Variants in LRIG1 observed in about 807,000 individuals in gnomAD.
The protein encoded by LRIG1 is leucine rich repeats and immunoglobulin like domains 1, also known as leucine-rich repeats and immunoglobulin-like domains protein 1.
A neutral mutation model predicts 99.2 loss-of-function variants in LRIG1; 48 were observed. The observed-to-expected ratio is 0.48, with a 90% CI of 0.38 to 0.62. The LOEUF is 0.62. Ranked by LOEUF, LRIG1 falls within the 20% of genes least tolerant of loss-of-function variation. LRIG1 has a pLI of 0.00. For synonymous variants in LRIG1, 772 were observed against 596.1 expected, an observed-to-expected ratio of 1.29 and a Z score of -4.30; for missense variants, 1,646 against 1,434.4, an observed-to-expected ratio of 1.15 and a Z score of -2.38.
intron 2 of LRIG1, among the ~76,000 whole-genome samples, chr3:66,459,409 C>A (rs1489176608): frequency 6.6e-6 from 1 of 152,224 alleles, no homozygotes; most frequent in Non-Finnish European, 1.5e-5. Context: ...AAGGACCTGG[C>A]CTCTGGCCAC....
In LRIG1 at chr3:66,447,029, A is replaced by T. The variant is rs115138700; in HGVS notation, c.365+4530T>A. Reference sequence around the variant, plus strand: ...TGCACAACACTGAGAACGTACTACAAGTGGCTTTTAAATGGTGAGTTAATG... The same window carrying T: ...TGCACAACACTGAGAACGTACTACATGTGGCTTTTAAATGGTGAGTTAATG... On this transcript the variant is annotated intron_variant, in intron 3 of 18. Transcript: ENST00000273261. Among the ~76,000 whole-genome samples the T allele has an allele frequency of 6.3e-3, 961 of 152,204 alleles. 10 individuals are homozygous for T. Among genetic ancestry groups the T allele is most frequent in the African/African-American group, 0.021 (884 of 41,500 alleles).
intron 4 of LRIG1, among the ~76,000 whole-genome samples, chr3:66,416,610 T>G (rs1702620491): frequency 6.6e-6 from 1 of 152,118 alleles, no homozygotes; most frequent in Admixed American, 6.5e-5. Flanking sequence ...CAGACAAATC[T>G]AAAAGGTGCT....
chr3:66,425,423 G>C (rs1448617249), intron 3 of LRIG1, among the ~76,000 whole-genome samples: 1 of 152,224 alleles, frequency 6.6e-6, no homozygotes, highest in Non-Finnish European at 1.5e-5. Context: ...AAATAAGGCA[G>C]ATAAAGCTCA....
At chr3:66,393,707 C>T (rs1459100936) in intron 12 of LRIG1, among the ~76,000 whole-genome samples, 4 of 152,234 alleles carry the variant, frequency 2.6e-5, no homozygotes, top group South Asian at 2.1e-4. Flanking sequence ...ACGCCAGCCT[C>T]GTACGCGGAG....
chr3:66,430,357 C>T (rs750440502), intron 3 of LRIG1, among the ~76,000 whole-genome samples: 6 of 152,188 alleles, frequency 3.9e-5, no homozygotes, highest in African/African-American at 9.7e-5. Context: ...TCAAATAGCA[C>T]GGGGTGGGGG....
chr3:66,482,360 T>C (rs1196764543), intron 1 of LRIG1, among the ~76,000 whole-genome samples: 1 of 152,214 alleles, frequency 6.6e-6, no homozygotes, highest in Non-Finnish European at 1.5e-5. Flanking sequence ...GGACAGCAGA[T>C]GATGTACTGG....
intron 12 of LRIG1, among the ~76,000 whole-genome samples, chr3:66,390,684 G>A (rs1701583719): frequency 6.6e-6 from 1 of 152,076 alleles, no homozygotes; most frequent in East Asian, 1.9e-4. Flanking sequence ...AAATCAAAGG[G>A]CTTTGTAACA....
At chr3:66,496,700 G>C (rs2106939882) in intron 1 of LRIG1, among the ~76,000 whole-genome samples, 1 of 152,092 alleles carries the variant, frequency 6.6e-6, no homozygotes, top group South Asian at 2.1e-4. Context: ...ATATGGAGAA[G>C]GAAATATTTC....
At chr3:66,405,347 C>T (rs1053546073) in intron 8 of LRIG1, 69 bp from the exon 9 acceptor site, 27 of 1,283,220 alleles carry the variant, frequency 2.1e-5, no homozygotes, top group Non-Finnish European at 2.8e-5. Flanking sequence ...TCTCACCCAG[C>T]CTGCTGCTCG....
intron 8 of LRIG1, 38 bp downstream of exon 8, chr3:66,407,310 T>C: frequency 6.2e-7 from 1 of 1,613,040 alleles, no homozygotes; most frequent in Non-Finnish European, 8.5e-7. Context: ...CTCTCCCCAC[T>C]GGGGACCCCT....
chr3:66,457,847 T>C (rs1700265683), intron 2 of LRIG1, among the ~76,000 whole-genome samples: 1 of 152,222 alleles, frequency 6.6e-6, no homozygotes, highest in Non-Finnish European at 1.5e-5. Context: ...TTGCCATAGA[T>C]GGTGTGGACC....
At chr3:66,470,209 T>G (rs550952522) in intron 1 of LRIG1, among the ~76,000 whole-genome samples, 1 of 152,160 alleles carries the variant, frequency 6.6e-6, no homozygotes, top group African/African-American at 2.4e-5. Context: ...CCACTCCTTA[T>G]TGTCTCACCC....
chr3:66,400,329 T>C (rs1702008185), intron 9 of LRIG1, among the ~76,000 whole-genome samples: 5 of 152,222 alleles, frequency 3.3e-5, no homozygotes, highest in African/African-American at 7.2e-5. Context: ...TCATGTTCTC[T>C]GATGAGAACC....
intron 9 of LRIG1, 105 bp from the exon 10 acceptor site, chr3:66,399,146 T>C (rs1361188554): frequency 1.1e-6 from 1 of 930,674 alleles, no homozygotes; most frequent in African/African-American, 1.6e-5. Context: ...AAGGTAGTGC[T>C]ACCTGATAAG....
In LRIG1 at chr3:66,380,756, G is replaced by C. The variant is rs569919321; in HGVS notation, c.2876C>G (p.Pro959Arg). ...CGGCTCCGGGCCATTTGGCGCACTT[G>C]GCTGTGCGCTGTCTCTGGACACAGG... ...PQPVSRDSAQ[P>R]SAPNGPEPGG... Residue 959 changes from proline to arginine, a missense_variant, in exon 18 of 19, where the codon CCA becomes CGA. Coordinates refer to ENST00000273261, the MANE Select transcript of LRIG1 (RefSeq NM_015541.3). The C allele has an allele frequency of 6.2e-7, 1 of 1,614,092 alleles. No individual in the cohort carries two copies. The highest frequency in any genetic ancestry group is 8.5e-7 in the Non-Finnish European group (1 of 1,180,042).
chr3:66,423,388 A>G lies in LRIG1; in HGVS notation c.366-6122T>C, dbSNP rs938006177. Among the ~76,000 whole-genome samples the G allele has an allele frequency of 3.3e-5, 5 of 152,158 alleles. 1 individual carries two copies. The South Asian group carries it at 8.3e-4, about 25-fold the overall frequency. On this transcript the variant is annotated intron_variant, in intron 3 of 18. Coordinates refer to ENST00000273261, the MANE Select transcript of LRIG1 (RefSeq NM_015541.3). ...GAGTTTTGAGACCAGCCTGACCAAC[A>G]TGGAGCAACCCTGTCTCTACTAAAA...
chr3:66,444,482 C>G (rs944976401), intron 3 of LRIG1, among the ~76,000 whole-genome samples: 5 of 151,282 alleles, frequency 3.3e-5, no homozygotes, highest in Admixed American at 3.3e-4. Flanking sequence ...ATTTACTGTC[C>G]CCCAAGGCCT....
intron 3 of LRIG1, among the ~76,000 whole-genome samples, chr3:66,432,104 G>C (rs1470799103): frequency 2.0e-5 from 3 of 152,208 alleles, no homozygotes; most frequent in Non-Finnish European, 4.4e-5. Context: ...TAAGAAGTGT[G>C]GTGGAGAGCT....
chr3:66,500,642 C>G lies in LRIG1; in HGVS notation c.-235G>C. ...AAACCCCGCGCCCATCCGGGCCGGC[C>G]GGCCCGCCCGCGCTAGCTGCGAACT... On this transcript the variant is annotated 5_prime_UTR_variant, in exon 1 of 19. Transcript: ENST00000273261. 1 of 311,030 alleles carries G rather than the reference C, an allele frequency of 3.2e-6. No individual in the cohort carries two copies. Among genetic ancestry groups the G allele is most frequent in the Non-Finnish European group, 5.9e-6 (1 of 170,664 alleles). The allele number at this position is 311,030 out of a possible 1,614,324, so 19.3% of individuals were successfully genotyped here.
Sources: gnomAD v4.1 joint callset for allele counts (sites outside exome capture counted in the v4.1 genomes callset) on GRCh38, gnomAD v4.1.1 for gene constraint, MANE v1.5 for transcripts, NCBI Gene and HGNC (gene_info 2026-07-23, HGNC 2026-07-21) for gene names.